PTPRD: variants seen among roughly 807,000 people sequenced by gnomAD.
The protein encoded by PTPRD is receptor-type tyrosine-protein phosphatase delta.
In PTPRD, 34 loss-of-function variants were observed where a neutral mutation model predicts 214.5. That is an observed-to-expected ratio of 0.16 (90% CI 0.12 to 0.21). PTPRD has a LOEUF of 0.21. Among genes scored for constraint, PTPRD ranks in the 10% least tolerant of loss-of-function variants. PTPRD has a pLI of 1.00. For missense variants in PTPRD, 2,545 were observed against 2,398.7 expected (o/e 1.06, Z -1.27); for synonymous variants, 1,128 against 845.7 (o/e 1.33, Z -5.79).
At chr9:10,040,643 C>A (rs2097279858) in intron 3 of PTPRD, among the ~76,000 whole-genome samples, 1 of 152,034 alleles carries the variant, frequency 6.6e-6, no homozygotes, top group Admixed American at 6.6e-5. Flanking sequence ...TAGTTAACTT[C>A]TTCCTAAATC....
intron 11 of PTPRD, among the ~76,000 whole-genome samples, chr9:8,834,982 T>G (rs1444471506): frequency 6.6e-6 from 1 of 152,038 alleles, no homozygotes. Flanking sequence ...CCTAAAGAGG[T>G]TGGCATGACT....
At chr9:10,027,435 G>T (rs888890474) in intron 4 of PTPRD, among the ~76,000 whole-genome samples, 1 of 152,118 alleles carries the variant, frequency 6.6e-6, no homozygotes, top group Non-Finnish European at 1.5e-5. Flanking sequence ...AGATACATAG[G>T]TACCTCCTTC....
chr9:10,248,673 G>A (rs1190536705), intron 3 of PTPRD, among the ~76,000 whole-genome samples: 1 of 152,090 alleles, frequency 6.6e-6, no homozygotes, highest in Admixed American at 6.6e-5. Flanking sequence ...CCATCATGAG[G>A]TTGCTTGAGA....
chr9:8,527,100 T>C (rs185259022), intron 16 of PTPRD, among the ~76,000 whole-genome samples: 42 of 152,070 alleles, frequency 2.8e-4, no homozygotes, highest in African/African-American at 9.2e-4. Flanking sequence ...ACATTGTTGA[T>C]TGGATATCTT....
intron 11 of PTPRD, among the ~76,000 whole-genome samples, chr9:8,935,101 A>C (rs896945607): frequency 6.6e-6 from 1 of 152,148 alleles, no homozygotes; most frequent in Admixed American, 6.6e-5. Context: ...TATATTGGCT[A>C]TTGTGAATAA....
intron 35 of PTPRD, among the ~76,000 whole-genome samples, chr9:8,420,789 T>C (rs2094302454): frequency 6.6e-6 from 1 of 150,410 alleles, no homozygotes; most frequent in African/African-American, 2.4e-5. Context: ...ACATGAATAC[T>C]ACAGATCATT....
chr9:10,423,642 A>G (rs563503276), intron 2 of PTPRD, among the ~76,000 whole-genome samples: 2 of 152,052 alleles, frequency 1.3e-5, no homozygotes, highest in East Asian at 3.9e-4. Flanking sequence ...CTGCAAGTGT[A>G]AGGTGTTTTT....
chr9:9,447,154 C>A (rs1229120029), intron 8 of PTPRD, among the ~76,000 whole-genome samples: 1 of 152,110 alleles, frequency 6.6e-6, no homozygotes, highest in Non-Finnish European at 1.5e-5. Flanking sequence ...ACCCAGCAAT[C>A]CGATTACTGA....
chr9:8,690,593 T>C (rs996198939), intron 12 of PTPRD, among the ~76,000 whole-genome samples: 1 of 152,014 alleles, frequency 6.6e-6, no homozygotes, highest in Admixed American at 6.5e-5. Flanking sequence ...GCTAATTTTA[T>C]TCAAGAGAAC....
intron 9 of PTPRD, among the ~76,000 whole-genome samples, chr9:9,375,488 C>T (rs1470501497): frequency 3.3e-5 from 5 of 151,882 alleles, no homozygotes; most frequent in Non-Finnish European, 5.9e-5. Context: ...CCCAGCTACT[C>T]GGGAGGCTGA....
intron 11 of PTPRD, among the ~76,000 whole-genome samples, chr9:8,994,429 G>A (rs2099388801): frequency 6.6e-6 from 1 of 152,038 alleles, no homozygotes. Context: ...CTTTTATTTG[G>A]TTTCTTTAAT....
chr9:10,282,150 T>C (rs1429078725), intron 3 of PTPRD, among the ~76,000 whole-genome samples: 2 of 152,142 alleles, frequency 1.3e-5, no homozygotes, highest in African/African-American at 2.4e-5. Flanking sequence ...TGGGTTTGAA[T>C]CCAGACTCTG....
chr9:10,472,946 C>T (rs1005965566), intron 2 of PTPRD, among the ~76,000 whole-genome samples: 1 of 151,794 alleles, frequency 6.6e-6, no homozygotes, highest in African/African-American at 2.4e-5. Context: ...GATTATATTG[C>T]ATATAAATTG....
At chr9:8,934,833 G>C (rs1245570082) in intron 11 of PTPRD, among the ~76,000 whole-genome samples, 1 of 151,542 alleles carries the variant, frequency 6.6e-6, no homozygotes, top group African/African-American at 2.4e-5. Flanking sequence ...TCAGCTTTTT[G>C]GATTCCATAC....
chr9:9,260,416 C>G (rs560930297), intron 9 of PTPRD, among the ~76,000 whole-genome samples: 2 of 151,896 alleles, frequency 1.3e-5, no homozygotes. Flanking sequence ...GAAACAACTT[C>G]TTTTACCTTT....
At chr9:9,623,163 C>T (rs781076893) in intron 7 of PTPRD, among the ~76,000 whole-genome samples, 3 of 152,170 alleles carry the variant, frequency 2.0e-5, no homozygotes, top group Non-Finnish European at 2.9e-5. Context: ...TAACTCATTT[C>T]ATATAATAAT....
At chr9:10,143,019 C>A (rs1227010854) in intron 3 of PTPRD, among the ~76,000 whole-genome samples, 5 of 149,982 alleles carry the variant, frequency 3.3e-5, no homozygotes, top group East Asian at 4.0e-4. Flanking sequence ...TAAACTATCA[C>A]AAGGACAAAA....
At chr9:10,148,229 A>G (rs1315648455) in intron 3 of PTPRD, among the ~76,000 whole-genome samples, 4 of 152,194 alleles carry the variant, frequency 2.6e-5, no homozygotes, top group Non-Finnish European at 4.4e-5. Flanking sequence ...CCGGGAAAGA[A>G]GGCAACACTC....
In PTPRD at chr9:8,812,971, C is replaced by A. The variant is rs527976612; in HGVS notation, c.-103-79025G>T. On this transcript the variant is annotated intron_variant, in intron 11 of 45. Coordinates refer to ENST00000381196, the MANE Select transcript of PTPRD (RefSeq NM_002839.4). ...GAAGAAGCAAGACACAATTTATATT[C>A]GGATTTTTACAAAGCTTTTGCTTCC... Among the ~76,000 whole-genome samples the A allele has an allele frequency of 3.3e-5, 5 of 152,070 alleles. No individual in the cohort carries two copies. In the East Asian group the frequency reaches 7.7e-4, roughly 24 times the overall value.
Sources: allele counts gnomAD v4.1 joint callset (sites outside exome capture counted in the v4.1 genomes callset), GRCh38; gene constraint gnomAD v4.1.1; transcripts MANE v1.5; gene names NCBI Gene and HGNC (gene_info 2026-07-23, HGNC 2026-07-21).